ZMIZ1: variants seen among roughly 807,000 people sequenced by gnomAD.
ZMIZ1 encodes zinc finger MIZ domain-containing protein 1.
Under a neutral mutation model 113.9 loss-of-function variants are expected in ZMIZ1, and 17 were observed. The observed-to-expected ratio is 0.15, with a 90% confidence interval of 0.10 to 0.22. ZMIZ1 has a LOEUF of 0.22. Ranked by LOEUF, ZMIZ1 falls within the 10% of genes least tolerant of loss-of-function variation. The pLI is 1.00. For synonymous variants in ZMIZ1, 607 were observed against 603.1 expected, an observed-to-expected ratio of 1.01 and a Z score of -0.09; for missense variants, 1,059 against 1,477.8, an observed-to-expected ratio of 0.72 and a Z score of 4.65.
rs75688184 is a variant in ZMIZ1 at position 79,208,242 on chromosome 10, G to A, written c.61-94G>A. The A allele has an allele frequency of 6.7e-3, 7,046 of 1,046,048 alleles. 317 individuals carry two copies. In the African/African-American group the frequency reaches 0.099, roughly 15 times the overall value. 64.8% of individuals were successfully genotyped at this position (1,046,048 alleles called of 1,614,324 possible). On this transcript the variant is annotated intron_variant, in intron 5 of 24. Coordinates refer to ENST00000334512, the MANE Select transcript of ZMIZ1 (RefSeq NM_020338.4). ...CCCCTTTCTGTGAACCTCCTCCCCA[G>A]TGAGGCTGGGTTCTTCCCACCCCAG...
chr10:79,279,224 G>A (rs111397976), intron 8 of ZMIZ1, among the ~76,000 whole-genome samples: 15 of 150,406 alleles, frequency 1.0e-4, no homozygotes, highest in Admixed American at 4.0e-4. Flanking sequence ...GCTGCCGGGC[G>A]GTGGGGCTCC....
chr10:79,285,555 C>T (rs1209388768), intron 8 of ZMIZ1: 2 of 456,136 alleles, frequency 4.4e-6, no homozygotes, highest in South Asian at 1.5e-5. Flanking sequence ...GCCACAGACA[C>T]ACTGTGTAGG....
intron 4 of ZMIZ1, among the ~76,000 whole-genome samples, chr10:79,169,123 G>A (rs995133694): frequency 4.6e-5 from 7 of 152,186 alleles, no homozygotes; most frequent in Non-Finnish European, 1.0e-4. Context: ...AATTGCTCCC[G>A]TGGTGCCACC....
At chr10:79,221,104 G>A (rs1180377507) in intron 7 of ZMIZ1, among the ~76,000 whole-genome samples, 1 of 152,154 alleles carries the variant, frequency 6.6e-6, no homozygotes, top group Non-Finnish European at 1.5e-5. Flanking sequence ...TGTCGCCCTG[G>A]CGCTGCATCC....
intron 4 of ZMIZ1, among the ~76,000 whole-genome samples, chr10:79,183,849 T>A (rs1847236236): frequency 6.6e-6 from 1 of 152,188 alleles, no homozygotes; most frequent in South Asian, 2.1e-4. Context: ...CATCACCAGT[T>A]AAGGGCTGGG....
At chr10:79,195,366 G>C (rs572060545) in intron 4 of ZMIZ1, among the ~76,000 whole-genome samples, 20 of 152,334 alleles carry the variant, frequency 1.3e-4, no homozygotes, top group African/African-American at 4.6e-4. Context: ...GAGACATGGC[G>C]GGGGTCCTGA....
intron 16 of ZMIZ1, among the ~76,000 whole-genome samples, chr10:79,300,074 G>A (rs1854186302): frequency 6.6e-6 from 1 of 152,204 alleles, no homozygotes; most frequent in African/African-American, 2.4e-5. Flanking sequence ...ACAGATAGCT[G>A]GTGTGGGCGT....
intron 7 of ZMIZ1, among the ~76,000 whole-genome samples, chr10:79,258,829 A>C (rs1851082408): frequency 6.6e-6 from 1 of 152,132 alleles, no homozygotes. Context: ...TGGGGTGAGT[A>C]TCTGGAGTGG....
chr10:79,253,923 T>C (rs1303378725), intron 7 of ZMIZ1, among the ~76,000 whole-genome samples: 1 of 152,152 alleles, frequency 6.6e-6, no homozygotes, highest in Non-Finnish European at 1.5e-5. Context: ...CACACACTCA[T>C]GCACACACTC....
At chr10:79,161,922 C>A in intron 3 of ZMIZ1, 131 bp from the exon 4 acceptor site, 1 of 398,312 alleles carries the variant, frequency 2.5e-6, no homozygotes, top group Non-Finnish European at 4.4e-6. Flanking sequence ...TATGCCAGGG[C>A]ACCCCATCAT....
chr10:79,211,556 A>G (rs1417026407), intron 6 of ZMIZ1, among the ~76,000 whole-genome samples: 1 of 152,218 alleles, frequency 6.6e-6, no homozygotes, highest in Non-Finnish European at 1.5e-5. Flanking sequence ...CTTTGAGGAT[A>G]TAAATTAAAA....
intron 4 of ZMIZ1, among the ~76,000 whole-genome samples, chr10:79,177,306 G>A (rs1264765309): frequency 6.6e-6 from 1 of 152,204 alleles, no homozygotes; most frequent in Non-Finnish European, 1.5e-5. Flanking sequence ...GGGGATGAAA[G>A]CTGGCCTCGC....
intron 8 of ZMIZ1, among the ~76,000 whole-genome samples, chr10:79,288,734 G>A (rs753323938): frequency 1.3e-5 from 2 of 152,140 alleles, no homozygotes; most frequent in South Asian, 2.1e-4. Flanking sequence ...AGGTCTTCAT[G>A]CCCTGCCCCT....
chr10:79,073,227 G>C (rs921533369), intron 1 of ZMIZ1, among the ~76,000 whole-genome samples: 2 of 152,214 alleles, frequency 1.3e-5, no homozygotes, highest in Non-Finnish European at 2.9e-5. Flanking sequence ...GAACTCCTCC[G>C]ATCCCACTTG....
At chr10:79,307,376 C>T (rs1203844015) in intron 22 of ZMIZ1, 29 bp from the exon 23 acceptor site, 2 of 1,578,898 alleles carry the variant, frequency 1.3e-6, no homozygotes, top group Non-Finnish European at 1.7e-6. Context: ...TGGGTGACCC[C>T]CTCCCCTCCC....
rs557768907 is a variant in ZMIZ1, at chr10:79,140,476, T to G, written c.-131+699T>G. ...TACTTCGACCGTACTGCACTCATCCTCTCAAGAGAAGTTCTGCTTTTGAGG... is the reference window on the plus strand; with the variant it reads ...TACTTCGACCGTACTGCACTCATCCGCTCAAGAGAAGTTCTGCTTTTGAGG... On this transcript the variant is annotated intron_variant, in intron 3 of 24. Transcript: ENST00000334512. 9.8e-5 allele frequency among the ~76,000 whole-genome samples: 15 copies of G among 152,336 alleles called. 1 individual carries two copies. In the South Asian group the frequency reaches 2.7e-3, roughly 27 times the overall value.
At chr10:79,137,871 T>A (rs1315048834) in intron 2 of ZMIZ1, among the ~76,000 whole-genome samples, 1 of 151,832 alleles carries the variant, frequency 6.6e-6, no homozygotes, top group Non-Finnish European at 1.5e-5. Flanking sequence ...CCCTGGCGCC[T>A]CTGCCAGCAG....
At chr10:79,181,907 G>A (rs1461018587) in intron 4 of ZMIZ1, among the ~76,000 whole-genome samples, 1 of 152,216 alleles carries the variant, frequency 6.6e-6, no homozygotes, top group African/African-American at 2.4e-5. Context: ...AGCTGAGGGC[G>A]GCTGCTGGAC....
intron 7 of ZMIZ1, among the ~76,000 whole-genome samples, chr10:79,273,685 A>G (rs755118652): frequency 1.6e-4 from 25 of 152,382 alleles, no homozygotes; most frequent in South Asian, 8.3e-4. Context: ...GACAGGCAGA[A>G]GGCCTCCCCA....
Sources: allele counts gnomAD v4.1 joint callset (sites outside exome capture counted in the v4.1 genomes callset), GRCh38; gene constraint gnomAD v4.1.1; transcripts MANE v1.5; gene names NCBI Gene and HGNC (gene_info 2026-07-23, HGNC 2026-07-21).